Variants in DLG1 observed in about 807,000 individuals in gnomAD.
DLG1 encodes the protein disks large homolog 1.
Under a neutral mutation model 123.4 loss-of-function variants are expected in DLG1, and 42 were observed. That is an observed-to-expected ratio of 0.34 (90% CI 0.27 to 0.44). The LOEUF (loss-of-function observed/expected upper bound fraction) is 0.44, where lower values mean the gene tolerates loss of function less well. Among genes scored for constraint, DLG1 ranks in the 20% least tolerant of loss-of-function variants. The pLI, the probability that DLG1 is intolerant of heterozygous loss-of-function variation, is 1.00. For synonymous variants in DLG1, 317 were observed against 356.2 expected (o/e 0.89, Z 1.24); for missense variants, 942 against 1,082.6 (o/e 0.87, Z 1.82).
intron 15 of DLG1, 121 bp downstream of exon 15, chr3:197,090,791 C>A: frequency 1.9e-6 from 1 of 526,002 alleles, no homozygotes; most frequent in East Asian, 3.0e-5. Context: ...TAATAAAAAA[C>A]AACACTGATT....
chr3:197,070,955 G>A (rs1387047723), intron 18 of DLG1: 1 of 151,956 alleles, frequency 6.6e-6, no homozygotes, highest in African/African-American at 2.4e-5. Context: ...TTTAAAATTG[G>A]TGTATAATAT....
At chr3:197,059,820 G>C (rs1202138766) in intron 23 of DLG1, 69 bp downstream of exon 23, 1 of 953,180 alleles carries the variant, frequency 1.0e-6, no homozygotes, top group Non-Finnish European at 1.6e-6. Context: ...GATGCAGGGA[G>C]AGTAAATAAA....
intron 12 of DLG1, among the ~76,000 whole-genome samples, chr3:197,117,381 T>C (rs942295623): frequency 6.6e-6 from 1 of 152,240 alleles, no homozygotes; most frequent in Non-Finnish European, 1.5e-5. Context: ...GATACTTGCA[T>C]GCCAGTGTTT....
chr3:197,080,868 GT>G, intron 17 of DLG1, 182 bp downstream of exon 17: 1 of 486,126 alleles, frequency 2.1e-6, no homozygotes, highest in South Asian at 3.9e-5. Flanking sequence ...TCAAATGATA[GT>G]TTTGATAATT....
rs571552468 is a variant in DLG1 at position 197,230,961 on chromosome 3, T to G, written c.319-36372A>C. 3.3e-5 allele frequency among the ~76,000 whole-genome samples: 5 copies of G among 149,934 alleles called. No homozygotes were observed. In the South Asian group the frequency reaches 1.0e-3, roughly 31 times the overall value. ...ACATATAGTATGTTATTTAATCATC[T>G]TAATGCTAAGTAAGTTATAGCATAT... On this transcript the variant is annotated intron_variant, in intron 4 of 24. Coordinates refer to ENST00000667157, the MANE Select transcript of DLG1 (RefSeq NM_001366207.1).
intron 4 of DLG1, among the ~76,000 whole-genome samples, chr3:197,206,422 C>T (rs1223713946): frequency 6.6e-6 from 1 of 152,160 alleles, no homozygotes; most frequent in African/African-American, 2.4e-5. Flanking sequence ...GCCTCAGCCT[C>T]CCAAGTAGCT....
chr3:197,263,413 G>C (rs1324153601), intron 4 of DLG1, among the ~76,000 whole-genome samples: 5 of 152,148 alleles, frequency 3.3e-5, no homozygotes, highest in Non-Finnish European at 1.5e-5. Flanking sequence ...TGACTCCTAA[G>C]AGTCCTTGAA....
intron 4 of DLG1, among the ~76,000 whole-genome samples, chr3:197,261,363 G>C (rs905794269): frequency 6.6e-6 from 1 of 152,210 alleles, no homozygotes; most frequent in African/African-American, 2.4e-5. Flanking sequence ...AATGGCTTGA[G>C]CCCAGGAGTT....
At chr3:197,135,219 A>G (rs1462677509) in intron 10 of DLG1, among the ~76,000 whole-genome samples, 1 of 152,176 alleles carries the variant, frequency 6.6e-6, no homozygotes, top group Non-Finnish European at 1.5e-5. Flanking sequence ...ACATGGACTG[A>G]GACAGTTATT....
intron 4 of DLG1, among the ~76,000 whole-genome samples, chr3:197,208,841 T>A (rs1017355910): frequency 2.1e-5 from 3 of 145,952 alleles, no homozygotes; most frequent in African/African-American, 7.3e-5. Flanking sequence ...GGAGACCTTT[T>A]CATCTTCATA....
intron 3 of DLG1, among the ~76,000 whole-genome samples, chr3:197,294,331 A>G (rs1375559807): frequency 6.6e-6 from 1 of 152,198 alleles, no homozygotes. Context: ...GAAGATTCAC[A>G]AATATAAACT....
intron 5 of DLG1, among the ~76,000 whole-genome samples, chr3:197,184,617 T>C (rs9847189): frequency 0.28 from 42,917 of 152,134 alleles, 6,472 homozygotes; most frequent in Middle Eastern, 0.38. Flanking sequence ...CTAAAACAAG[T>C]ATTTTGCTTC....
At chr3:197,113,476 TTATC>T (rs891336004) in intron 13 of DLG1, among the ~76,000 whole-genome samples, 2 of 152,212 alleles carry the variant, frequency 1.3e-5, no homozygotes, top group Non-Finnish European at 2.9e-5. Context: ...AATGACACTT[TTATC>T]TTTCTCGCTG....
chr3:197,155,969 C>A (rs1561098753), intron 5 of DLG1, among the ~76,000 whole-genome samples: 1 of 150,756 alleles, frequency 6.6e-6, no homozygotes, highest in Non-Finnish European at 1.5e-5. Flanking sequence ...AATAAATAAG[C>A]CTAATATTAA....
intron 4 of DLG1, among the ~76,000 whole-genome samples, chr3:197,212,450 A>C (rs1335977335): frequency 3.3e-5 from 5 of 152,210 alleles, no homozygotes; most frequent in Admixed American, 3.3e-4. Flanking sequence ...AACCCTAAGG[A>C]ATTTACAAGA....
intron 4 of DLG1, among the ~76,000 whole-genome samples, chr3:197,277,677 T>C (rs1330635736): frequency 6.6e-6 from 1 of 151,844 alleles, no homozygotes; most frequent in Admixed American, 6.5e-5. Flanking sequence ...TCCTTATAAA[T>C]CAACCCTTTT....
intron 4 of DLG1, among the ~76,000 whole-genome samples, chr3:197,203,362 A>G (rs1481377829): frequency 6.6e-6 from 1 of 152,218 alleles, no homozygotes; most frequent in East Asian, 1.9e-4. Flanking sequence ...CAGTTCCAAA[A>G]TCAAAATATT....
chr3:197,224,094 G>C (rs899599798), intron 4 of DLG1, among the ~76,000 whole-genome samples: 1 of 151,960 alleles, frequency 6.6e-6, no homozygotes. Flanking sequence ...ATATAACTTA[G>C]ATGCCCTTTT....
At chr3:197,100,792 G>A (rs910007754) in intron 14 of DLG1, among the ~76,000 whole-genome samples, 1 of 152,062 alleles carries the variant, frequency 6.6e-6, no homozygotes, top group Non-Finnish European at 1.5e-5. Context: ...CTGACTAAAA[G>A]GTGCAGCTTC....
Sources: gnomAD v4.1 joint callset for allele counts (sites outside exome capture counted in the v4.1 genomes callset) on GRCh38, gnomAD v4.1.1 for gene constraint, MANE v1.5 for transcripts, NCBI Gene and HGNC (gene_info 2026-07-23, HGNC 2026-07-21) for gene names.